ABCC2: variants seen among roughly 807,000 people sequenced by gnomAD.
The protein encoded by ABCC2 is ATP-binding cassette sub-family C member 2.
Under a neutral mutation model 173.4 loss-of-function variants are expected in ABCC2, and 157 were observed. The ratio of observed to expected loss-of-function variants is 0.91; its 90% CI spans 0.80 to 1.03. ABCC2 has a LOEUF of 1.03. Ranked by LOEUF, ABCC2 falls within the 50% of genes least tolerant of loss-of-function variation. The pLI, the probability that ABCC2 is intolerant of heterozygous loss-of-function variation, is 0.00. For synonymous variants in ABCC2, 657 were observed against 693.5 expected (o/e 0.95, Z 0.83); for missense variants, 1,822 against 1,852.3 (o/e 0.98, Z 0.30).
chr10:99,800,199 A>AAAAAC (rs1333276542), intron 8 of ABCC2, among the ~76,000 whole-genome samples, 187 bp from the exon 9 acceptor site: 7 of 152,328 alleles, frequency 4.6e-5, no homozygotes, highest in Non-Finnish European at 1.0e-4. Context: ...ACCCTGTATC[A>AAAAAC]AAAACAAAAC....
intron 6 of ABCC2, among the ~76,000 whole-genome samples, chr10:99,796,077 C>T (rs1270912189): frequency 6.6e-6 from 1 of 152,088 alleles, no homozygotes; most frequent in Non-Finnish European, 1.5e-5. Context: ...AGAGATGGCA[C>T]AGTGGCTGGA....
chr10:99,817,788 G>C (rs2038449668), intron 17 of ABCC2, among the ~76,000 whole-genome samples: 1 of 152,194 alleles, frequency 6.6e-6, no homozygotes, highest in East Asian at 1.9e-4. Flanking sequence ...CAGGTGGTGG[G>C]GCAGAAGTGG....
intron 19 of ABCC2, among the ~76,000 whole-genome samples, chr10:99,829,558 T>G (rs1430624243): frequency 6.6e-6 from 1 of 152,184 alleles, no homozygotes; most frequent in African/African-American, 2.4e-5. Context: ...TTTTATTTTA[T>G]TTTATTTTCC....
chr10:99,802,512 T>C (rs10883413), intron 9 of ABCC2, among the ~76,000 whole-genome samples: 41,284 of 142,378 alleles, frequency 0.29, 5,866 homozygotes, highest in East Asian at 0.4. Flanking sequence ...TTTTTTTTTT[T>C]CCCCTCTTCC....
At chr10:99,849,503 T>G (rs1274246541) in intron 30 of ABCC2, among the ~76,000 whole-genome samples, 1 of 152,230 alleles carries the variant, frequency 6.6e-6, no homozygotes, top group Admixed American at 6.5e-5. Flanking sequence ...TGCCTTGATT[T>G]CAGACCTGAG....
chr10:99,813,973 T>C (rs74152772), intron 16 of ABCC2, among the ~76,000 whole-genome samples: 6,417 of 152,056 alleles, frequency 0.042, 384 homozygotes, highest in African/African-American at 0.14. Flanking sequence ...TCTTGGGCCT[T>C]TCTCTTCCTC....
intron 19 of ABCC2, among the ~76,000 whole-genome samples, chr10:99,820,299 G>A (rs540864520): frequency 3.5e-4 from 54 of 152,314 alleles, no homozygotes; most frequent in African/African-American, 1.2e-3. Context: ...GCTGAGGCAG[G>A]AGAATTGCTT....
chr10:99,790,463 G>T (rs2037793288), intron 2 of ABCC2, among the ~76,000 whole-genome samples: 4 of 152,020 alleles, frequency 2.6e-5, no homozygotes, highest in Admixed American at 6.6e-5. Context: ...GATATGAACT[G>T]CTCAGTGTAT....
intron 14 of ABCC2, 125 bp downstream of exon 14, chr10:99,810,343 T>G: frequency 1.3e-6 from 1 of 756,546 alleles, no homozygotes; most frequent in South Asian, 1.5e-5. Flanking sequence ...AGCCTATGCT[T>G]GCATAAGATA....
chr10:99,814,430 T>C (rs1311595265), intron 16 of ABCC2, among the ~76,000 whole-genome samples: 2 of 134,190 alleles, frequency 1.5e-5, no homozygotes, highest in Non-Finnish European at 3.2e-5. Context: ...TGTGCATATA[T>C]GTGTATACAC....
At position 99,816,871 on chromosome 10, in the gene ABCC2, T is replaced by A. The variant is rs192151773; in HGVS notation, c.2095-437T>A. On this transcript the variant is annotated intron_variant, in intron 16 of 31. Transcript: ENST00000647814. ...GTGGAACAGTTTCATCCCGAAACCA[T>A]CTCCCACCACCACCCCATCTATGGA... Among the ~76,000 whole-genome samples, 21 of 152,140 alleles carry A rather than the reference T, an allele frequency of 1.4e-4. No individual in the cohort carries two copies. The East Asian group carries it at 3.7e-3, about 27-fold the overall frequency.
At chr10:99,827,806 GT>G (rs1408084952) in intron 19 of ABCC2, among the ~76,000 whole-genome samples, 2 of 147,592 alleles carry the variant, frequency 1.4e-5, no homozygotes, top group Non-Finnish European at 3.0e-5. Context: ...TTTACTTTTA[GT>G]TTGCCCCATT....
intron 10 of ABCC2, among the ~76,000 whole-genome samples, chr10:99,805,114 A>G (rs1404705179): frequency 6.6e-6 from 1 of 152,174 alleles, no homozygotes; most frequent in African/African-American, 2.4e-5. Flanking sequence ...AAGGGCAGGG[A>G]AAGAACAGCC....
chr10:99,832,615 G>A (rs527404060), intron 23 of ABCC2, among the ~76,000 whole-genome samples: 142 of 152,260 alleles, frequency 9.3e-4, no homozygotes, highest in African/African-American at 3.3e-3. Context: ...TCACAGCCTG[G>A]GACAGGAAAT....
At chr10:99,844,589 C>T in intron 28 of ABCC2, 124 bp downstream of exon 28, 1 of 1,289,278 alleles carries the variant, frequency 7.8e-7, no homozygotes, top group Non-Finnish European at 1.1e-6. Context: ...CAGGGCACTT[C>T]CTCTGCCCTG....
At chr10:99,822,384 C>T (rs533765791) in intron 19 of ABCC2, among the ~76,000 whole-genome samples, 107 of 151,564 alleles carry the variant, frequency 7.1e-4, no homozygotes, top group Middle Eastern at 6.8e-3. Context: ...GTTCTTCTGA[C>T]GTCACCATTT....
chr10:99,789,176 G>A (rs550284460), intron 2 of ABCC2: 4 of 152,392 alleles, frequency 2.6e-5, no homozygotes, highest in African/African-American at 9.6e-5. Context: ...CTTCTCTGCA[G>A]AAATGTGTAG....
In ABCC2 at chr10:99,800,537, G is replaced by C; in HGVS notation, c.1183G>C (p.Ala395Pro). Residue 395 changes from alanine (A) to proline (P), a missense_variant, in exon 9 of 32, where the codon GCT becomes CCT. Ala to Pro is a conservative substitution (Grantham distance 27). Coordinates refer to ENST00000647814, the MANE Select transcript of ABCC2 (RefSeq NM_000392.5). Reference sequence around the variant, plus strand: ...CAAGCTGGGTGTAAAAGTACGGACAGCTATCATGGCTTCTGTATATAAGAA... The same window carrying C: ...CAAGCTGGGTGTAAAAGTACGGACACCTATCATGGCTTCTGTATATAAGAA... Reference protein sequence around the residue: ...CFKLGVKVRTAIMASVYKKAL... With the variant: ...CFKLGVKVRTPIMASVYKKAL... 1 of 1,614,162 alleles carries C rather than the reference G, an allele frequency of 6.2e-7. No homozygotes were observed.
intron 9 of ABCC2, 136 bp downstream of exon 9, chr10:99,800,699 T>G: frequency 2.0e-6 from 2 of 1,024,134 alleles, no homozygotes; most frequent in Non-Finnish European, 3.0e-6. Context: ...ACAGCCTCCT[T>G]TAGATGTTTC....
Sources: gnomAD v4.1 joint callset for allele counts (sites outside exome capture counted in the v4.1 genomes callset) on GRCh38, gnomAD v4.1.1 for gene constraint, MANE v1.5 for transcripts, NCBI Gene and HGNC (gene_info 2026-07-23, HGNC 2026-07-21) for gene names.